Variants in ANKRD16 observed in about 807,000 individuals in gnomAD.
ANKRD16 encodes the protein ankyrin repeat domain-containing protein 16.
Under a neutral mutation model 37.9 loss-of-function variants are expected in ANKRD16, and 35 were observed. The ratio of observed to expected loss-of-function variants is 0.92; its 90% CI spans 0.71 to 1.23. The LOEUF is 1.23. ANKRD16 is among the 50% of genes most tolerant of loss of function. The probability of loss-of-function intolerance (pLI) is 0.00; values close to 1 mark genes in which losing one functional copy is unlikely to be tolerated. For missense variants in ANKRD16, 480 were observed against 469.9 expected, an observed-to-expected ratio of 1.02 and a Z score of -0.20; for synonymous variants, 206 against 197.2, an observed-to-expected ratio of 1.04 and a Z score of -0.37.
rs2131766847 is a variant in ANKRD16 at position 5,878,023 on chromosome 10, G to A, written c.*33+74C>T. The A allele has an allele frequency of 6.9e-7, 1 of 1,451,428 alleles. No individual in the cohort carries two copies. Among genetic ancestry groups the A allele is most frequent in the East Asian group, 2.3e-5 (1 of 43,048 alleles). The allele number at this position is 1,451,428 out of a possible 1,614,324, so 89.9% of individuals were successfully genotyped here. On this transcript the variant is annotated intron_variant, in intron 7 of 7. Coordinates refer to ENST00000380094, the MANE Select transcript of ANKRD16 (RefSeq NM_019046.3). This position sits in a 1 kb window ranked among gnomAD's most constrained non-coding sequence, Gnocchi z 5.1. ...GCAGGATGAGGGAAGGGAGGAAGTG[G>A]AGGAGATGGAAAACTGGCTTCCAAC... is the stretch of plus-strand genomic sequence containing the variant.
rs752338282 is a variant in ANKRD16, at chr10:5,883,176, C to T, written c.688-9G>A. ...TCTGCTGAAAGGCAAGCCTAGTGGGCAGAGGAGAGAAAGGAGCAAAGGTCA... is the reference window on the plus strand; with the variant it reads ...TCTGCTGAAAGGCAAGCCTAGTGGGTAGAGGAGAGAAAGGAGCAAAGGTCA... On this transcript the variant is annotated splice_polypyrimidine_tract_variant and intron_variant, in intron 4 of 7. Transcript: ENST00000380094. 1.4e-5 allele frequency: 22 copies of T among 1,612,256 alleles called. No individual in the cohort carries two copies. In the East Asian group the frequency reaches 4.7e-4, roughly 34 times the overall value.
rs767638305 is a variant in ANKRD16 at position 5,883,056 on chromosome 10, C to G, written c.799G>C (p.Asp267His). 110 of 1,614,000 alleles carry G rather than the reference C, an allele frequency of 6.8e-5. No homozygotes were observed. Among genetic ancestry groups the G allele is most frequent in the Middle Eastern group, 3.3e-4 (2 of 6,084 alleles). ...FLVSELGVDV[D>H]VRATSTHLTA... The stretch of plus-strand genomic sequence containing the variant: ...AGGTGGGTTGATGTGGCTCTCACAT[C>G]TACATCGACGCCAAGTTCAGAGACC... Residue 267 changes from aspartate to histidine, a missense_variant, in exon 5 of 8, where the codon GAT (aspartate) becomes CAT (histidine). Asp to His is a moderately conservative substitution (Grantham distance 81). Coordinates refer to ENST00000380094, the MANE Select transcript of ANKRD16 (RefSeq NM_019046.3).
Position 5,864,155 on chromosome 10 carries a change from A to G in ANKRD16, c.*34-1464T>C, listed in dbSNP as rs1474911456. Among the ~76,000 whole-genome samples the G allele has an allele frequency of 6.6e-6, 1 of 152,128 alleles. No homozygotes were observed. Among genetic ancestry groups the G allele is most frequent in the African/African-American group, 2.4e-5 (1 of 41,362 alleles). On this transcript the variant is annotated intron_variant, in intron 7 of 7. Coordinates refer to ENST00000380094, the MANE Select transcript of ANKRD16 (RefSeq NM_019046.3). This position sits in a 1 kb window ranked among gnomAD's most constrained non-coding sequence, Gnocchi z 4.4. ...AATGGAGTGAAATACCTTATGTCCA[A>G]GCTTTCTTTTAAGGAGAATCCACAA... is the stretch of plus-strand genomic sequence containing the variant.
At position 5,862,365 on chromosome 10, in the gene ANKRD16, G is replaced by T; in HGVS notation, c.*360C>A. On this transcript the variant is annotated 3_prime_UTR_variant, in exon 8 of 8. Transcript: ENST00000380094. The surrounding 1 kb of genome is among the most constrained non-coding windows in gnomAD (Gnocchi z 6.5). ...TGGTTCCTGAGGGTTGTGACGATCA[G>T]GGCAGAGGCAGAAGGCACCACCTCA... The T allele has an allele frequency of 2.2e-6, 1 of 446,240 alleles. No individual in the cohort carries two copies. 27.6% of individuals were successfully genotyped at this position (446,240 alleles called of 1,614,324 possible).
intron 5 of ANKRD16, among the ~76,000 whole-genome samples, chr10:5,881,433 A>C (rs1362947098): frequency 1.4e-5 from 1 of 70,580 alleles, no homozygotes; most frequent in East Asian, 6.0e-4. Flanking sequence ...AAATAAAAAT[A>C]TTATTTATAT....
Position 5,882,925 on chromosome 10 carries a change from A to G in ANKRD16, c.849+81T>C, listed in dbSNP as rs1049319907. 1.2e-5 allele frequency: 18 copies of G among 1,492,086 alleles called. No homozygotes were observed. The South Asian group carries it at 1.8e-4, about 15-fold the overall frequency. The allele number at this position is 1,492,086 out of a possible 1,614,324, so 92.4% of individuals were successfully genotyped here. A position where few individuals can be genotyped will look rare whatever the true frequency, so the allele number is the denominator to read the frequency against. ...TTCTTCCATAGAGATGGGGTCAAAG[A>G]AACCAGGCTGCAGAGCTACTGATCA... On this transcript the variant is annotated intron_variant, in intron 5 of 7. Coordinates refer to ENST00000380094, the MANE Select transcript of ANKRD16 (RefSeq NM_019046.3).
intron 7 of ANKRD16, among the ~76,000 whole-genome samples, chr10:5,877,634 A>G (rs1842204698): frequency 6.6e-6 from 1 of 152,238 alleles, no homozygotes; most frequent in Non-Finnish European, 1.5e-5. Context: ...TGTAATGGCC[A>G]AGTAAAAGCT....
Position 5,862,710 on chromosome 10 carries a change from T to C in ANKRD16, c.*34-19A>G, listed in dbSNP as rs957878976. Reference sequence around the variant, plus strand: ...AGCAACTCTGTGAAGAAAGAGTTATTATCATCTCAGTTTACAGATGAAACA... The same window carrying C: ...AGCAACTCTGTGAAGAAAGAGTTATCATCATCTCAGTTTACAGATGAAACA... On this transcript the variant is annotated intron_variant, in intron 7 of 7. Coordinates refer to ENST00000380094, the MANE Select transcript of ANKRD16 (RefSeq NM_019046.3). The surrounding 1 kb of genome is among the most constrained non-coding windows in gnomAD (Gnocchi z 6.5). 4.7e-6 allele frequency: 6 copies of C among 1,286,306 alleles called. No individual in the cohort carries two copies. Among genetic ancestry groups the C allele is most frequent in the Non-Finnish European group, 6.1e-6 (6 of 985,856 alleles). The allele number at this position is 1,286,306 out of a possible 1,614,324, so 79.7% of individuals were successfully genotyped here.
At chr10:5,876,695 T>C (rs1842191450) in intron 7 of ANKRD16, among the ~76,000 whole-genome samples, 1 of 152,222 alleles carries the variant, frequency 6.6e-6, no homozygotes, top group Non-Finnish European at 1.5e-5. Context: ...GGGAAATTCT[T>C]GCTCTGTGCC....
At chr10:5,873,268 G>A (rs906628838) in intron 7 of ANKRD16, among the ~76,000 whole-genome samples, 6 of 152,150 alleles carry the variant, frequency 3.9e-5, no homozygotes, top group Admixed American at 2.0e-4. Context: ...CAGACATCAT[G>A]ATCCGCCCGC....
At chr10:5,884,733 A>G (rs1304889750) in intron 3 of ANKRD16, among the ~76,000 whole-genome samples, 1 of 77,510 alleles carries the variant, frequency 1.3e-5, no homozygotes, top group Non-Finnish European at 2.6e-5. Context: ...ACTCCATCTC[A>G]AAAACTAAAA....
At chr10:5,876,555 A>T (rs1176439179) in intron 7 of ANKRD16, among the ~76,000 whole-genome samples, 1 of 152,228 alleles carries the variant, frequency 6.6e-6, no homozygotes, top group Non-Finnish European at 1.5e-5. Context: ...TGGTAACTAC[A>T]TCTCAAATCA....
intron 4 of ANKRD16, 97 bp downstream of exon 4, chr10:5,883,872 T>C: frequency 1.9e-6 from 2 of 1,055,974 alleles, no homozygotes; most frequent in Middle Eastern, 2.1e-4. Context: ...GGCTGGGGAA[T>C]GGAACCTGGG....
rs137970289 is a variant in ANKRD16 at position 5,885,752 on chromosome 10, A to G, written c.549T>C (p.His183=). The G allele has an allele frequency of 4.7e-5, 76 of 1,604,572 alleles. No homozygotes were observed. In the East Asian group the frequency reaches 1.3e-3, roughly 28 times the overall value. Residue 183 remains histidine, a synonymous_variant, in exon 3 of 8, where the codon CAT becomes CAC. Coordinates refer to ENST00000380094, the MANE Select transcript of ANKRD16 (RefSeq NM_019046.3). ...TPLHTAAMHG[H]LEAVKVLLKR... ...TAAGAAGCACCTTGACTGCCTCCAA[A>G]TGGCCATGCATTGCTGGGAGGAGAA...
chr10:5,881,438 TTATATATATATATATATATATATATA>T (rs869185709), intron 5 of ANKRD16, among the ~76,000 whole-genome samples: 4 of 51,026 alleles, frequency 7.8e-5, no homozygotes, highest in African/African-American at 2.9e-4. Context: ...AAAATATTAT[TTATATATATATATATATATATATATA>T]TATATATATA....
rs1426252216 is a variant in ANKRD16 at position 5,871,290 on chromosome 10, G to A, written c.*33+6807C>T. The stretch of plus-strand genomic sequence containing the variant: ...TAATCCCAGCTACTCAGGAGGCTGA[G>A]GCAGGAGAATCGCTTGAACCCGGGA... On this transcript the variant is annotated intron_variant, in intron 7 of 7. Transcript: ENST00000380094. The surrounding 1 kb of genome is among the most constrained non-coding windows in gnomAD (Gnocchi z 4.5). Among the ~76,000 whole-genome samples the A allele has an allele frequency of 6.6e-6, 1 of 152,138 alleles. No homozygotes were observed. The highest frequency in any genetic ancestry group is 1.5e-5 in the Non-Finnish European group (1 of 68,032).
intron 1 of ANKRD16, among the ~76,000 whole-genome samples, chr10:5,888,329 G>A (rs541366195): frequency 6.6e-6 from 1 of 152,350 alleles, no homozygotes; most frequent in Admixed American, 6.5e-5. Context: ...TTATAAGCTA[G>A]TTCACAGGAT....
Position 5,889,319 on chromosome 10 carries a change from C to A in ANKRD16, c.36G>T (p.Arg12Ser). The change falls in exon 1 of 8, where the codon AGG becomes AGT. Residue 12 changes from arginine to serine, a missense_variant. Arg to Ser is a moderately radical substitution (Grantham distance 110). Transcript: ENST00000380094. Reference sequence around the variant, plus strand: ...CGCGCAGCCGGCCCTCCTGCACCAGCCTGCAGAGGCGCCGCGGGTCCCCGG... The same window carrying A: ...CGCGCAGCCGGCCCTCCTGCACCAGACTGCAGAGGCGCCGCGGGTCCCCGG... ...AQPGDPRRLC[R>S]LVQEGRLRAL... is the part of the protein sequence containing the mutation. The A allele has an allele frequency of 6.3e-6, 8 of 1,274,774 alleles. No individual in the cohort carries two copies. Among genetic ancestry groups the A allele is most frequent in the South Asian group, 2.8e-5 (1 of 35,910 alleles). 79.0% of individuals were successfully genotyped at this position (1,274,774 alleles called of 1,614,324 possible).
In ANKRD16 at chr10:5,863,836, G is replaced by A. The variant is rs1324790244; in HGVS notation, c.*34-1145C>T. 3.3e-5 allele frequency among the ~76,000 whole-genome samples: 5 copies of A among 152,082 alleles called. No homozygotes were observed. The highest frequency in any genetic ancestry group is 2.1e-4 in the South Asian group (1 of 4,822). On this transcript the variant is annotated intron_variant, in intron 7 of 7. Coordinates refer to ENST00000380094, the MANE Select transcript of ANKRD16 (RefSeq NM_019046.3). This position sits in a 1 kb window ranked among gnomAD's most constrained non-coding sequence, Gnocchi z 4.7. ...CTGTAACACTCACTGCGAGGTCCAC[G>A]GCTTCATTGTTGAAGTCAGTGAGAC...
Sources: gnomAD v4.1 joint callset for allele counts (sites outside exome capture counted in the v4.1 genomes callset) on GRCh38, gnomAD v4.1.1 for gene constraint, Gnocchi (gnomAD v3.1) non-coding constraint, MANE v1.5 for transcripts, NCBI Gene and HGNC (gene_info 2026-07-23, HGNC 2026-07-21) for gene names.